MYT1L: variants seen among roughly 807,000 people sequenced by gnomAD.
MYT1L encodes the protein myelin transcription factor 1 like.
Under a neutral mutation model 126.7 loss-of-function variants are expected in MYT1L, and 12 were observed. That is an observed-to-expected ratio of 0.09 (90% CI 0.06 to 0.15). The LOEUF (loss-of-function observed/expected upper bound fraction) is 0.15. Among genes scored for constraint, MYT1L ranks in the 10% least tolerant of loss-of-function variants. The pLI, the probability that MYT1L is intolerant of heterozygous loss-of-function variation, is 1.00. For synonymous variants in MYT1L, 541 were observed against 604.2 expected, an observed-to-expected ratio of 0.90 and a Z score of 1.53; for missense variants, 979 against 1,585.2, an observed-to-expected ratio of 0.62 and a Z score of 6.49.
At chr2:1,792,131 G>T in intron 24 of MYT1L, 124 bp from the exon 25 acceptor site, 1 of 1,184,132 alleles carries the variant, frequency 8.4e-7, no homozygotes, top group Non-Finnish European at 1.2e-6. Context: ...GGCCGGCTCA[G>T]AGCACACTTA....
intron 3 of MYT1L, among the ~76,000 whole-genome samples, chr2:2,109,463 G>A (rs576776344): frequency 2.6e-5 from 4 of 152,186 alleles, no homozygotes; most frequent in South Asian, 4.2e-4. Context: ...ATGGAATGTC[G>A]CAGCACAAGG....
intron 8 of MYT1L, among the ~76,000 whole-genome samples, chr2:1,978,675 C>T (rs2060362157): frequency 6.6e-6 from 1 of 152,180 alleles, no homozygotes; most frequent in Non-Finnish European, 1.5e-5. Context: ...CTTGACCTGA[C>T]CTCACCCTGC....
At chr2:2,026,848 G>A (rs1192340469) in intron 4 of MYT1L, among the ~76,000 whole-genome samples, 1 of 152,148 alleles carries the variant, frequency 6.6e-6, no homozygotes, top group Non-Finnish European at 1.5e-5. Flanking sequence ...GGCGGGTCTT[G>A]AGAAAACCTG....
chr2:2,296,168 T>C (rs959515897), intron 1 of MYT1L, among the ~76,000 whole-genome samples: 42 of 152,214 alleles, frequency 2.8e-4, no homozygotes, highest in Admixed American at 1.9e-3. Flanking sequence ...GTTGAGAAGC[T>C]TTGCTATAAA....
chr2:2,267,341 A>T (rs2095157619), intron 2 of MYT1L, among the ~76,000 whole-genome samples: 1 of 152,240 alleles, frequency 6.6e-6, no homozygotes, highest in Non-Finnish European at 1.5e-5. Context: ...ACTGAAACTC[A>T]GAGAGGTGGA....
chr2:2,155,482 T>A (rs745748348), intron 3 of MYT1L, among the ~76,000 whole-genome samples: 1 of 152,226 alleles, frequency 6.6e-6, no homozygotes, highest in Non-Finnish European at 1.5e-5. Context: ...ACCAGAACTA[T>A]GATGTATGTC....
intron 3 of MYT1L, among the ~76,000 whole-genome samples, chr2:2,143,962 A>T (rs1378755137): frequency 1.2e-5 from 1 of 81,944 alleles, no homozygotes; most frequent in Non-Finnish European, 2.4e-5. Context: ...GGACTATTAG[A>T]GGGGGAGGGA....
intron 3 of MYT1L, among the ~76,000 whole-genome samples, chr2:2,069,912 TG>T (rs2074387828): frequency 6.7e-6 from 1 of 150,102 alleles, no homozygotes; most frequent in East Asian, 2.1e-4. Context: ...CACTTTTTGA[TG>T]GGGTTGTTTT....
chr2:1,850,543 A>C (rs2043134128), intron 19 of MYT1L, among the ~76,000 whole-genome samples: 1 of 152,090 alleles, frequency 6.6e-6, no homozygotes, highest in South Asian at 2.1e-4. Context: ...CTTTGTGTGG[A>C]CGATATGTTC....
At chr2:1,890,607 G>A (rs866386579) in intron 15 of MYT1L, among the ~76,000 whole-genome samples, 64 of 151,946 alleles carry the variant, frequency 4.2e-4, no homozygotes, top group Middle Eastern at 6.9e-3. Flanking sequence ...TGCCTCTCAG[G>A]AAGAGAGTCA....
intron 1 of MYT1L, among the ~76,000 whole-genome samples, chr2:2,302,362 C>T (rs1204362373): frequency 1.3e-5 from 2 of 152,294 alleles, no homozygotes; most frequent in Non-Finnish European, 2.9e-5. Flanking sequence ...TAAAAATGCA[C>T]AGAAGTGATC....
At chr2:1,875,189 T>C (rs1258417029) in intron 18 of MYT1L, among the ~76,000 whole-genome samples, 2 of 152,060 alleles carry the variant, frequency 1.3e-5, no homozygotes, top group African/African-American at 2.4e-5. Context: ...TGACTGAGCA[T>C]AGAGCTGCCG....
chr2:1,831,661 T>A (rs2040205021), intron 21 of MYT1L, among the ~76,000 whole-genome samples: 1 of 152,156 alleles, frequency 6.6e-6, no homozygotes, highest in Non-Finnish European at 1.5e-5. Context: ...CGTTTTGAAC[T>A]CTCCGCCACA....
chr2:2,021,194 C>T (rs1035506212), intron 4 of MYT1L, among the ~76,000 whole-genome samples: 22 of 152,078 alleles, frequency 1.4e-4, no homozygotes, highest in Non-Finnish European at 2.9e-5. Flanking sequence ...CCAAGAAAGG[C>T]CCAGACTGAG....
rs539067245 is a variant in MYT1L at position 2,044,742 on chromosome 2, C to T, written c.-158+9236G>A. Among the ~76,000 whole-genome samples the T allele has an allele frequency of 3.3e-5, 5 of 152,266 alleles. No homozygotes were observed. The East Asian group carries it at 5.8e-4, about 18-fold the overall frequency. On this transcript the variant is annotated intron_variant, in intron 4 of 24. Transcript: ENST00000647738. ...TTCCCCCAAAACCCAACCCTGGTTTCGTATACAGGCCAGCACTTTAAAAGC... is the reference window on the plus strand; with the variant it reads ...TTCCCCCAAAACCCAACCCTGGTTTTGTATACAGGCCAGCACTTTAAAAGC...
chr2:2,003,343 A>G (rs1475708305), intron 4 of MYT1L, among the ~76,000 whole-genome samples: 2 of 152,196 alleles, frequency 1.3e-5, no homozygotes, highest in Non-Finnish European at 2.9e-5. Flanking sequence ...AACACCCCTC[A>G]GCCTTCTCCT....
At chr2:2,156,734 T>C (rs892413988) in intron 3 of MYT1L, among the ~76,000 whole-genome samples, 1 of 152,182 alleles carries the variant, frequency 6.6e-6, no homozygotes, top group East Asian at 1.9e-4. Context: ...ATTGGGGCAA[T>C]GGCCTCCGGG....
intron 4 of MYT1L, among the ~76,000 whole-genome samples, chr2:2,016,859 T>C (rs1183081303): frequency 3.3e-5 from 5 of 152,396 alleles, no homozygotes; most frequent in African/African-American, 1.2e-4. Flanking sequence ...AACGGCATTC[T>C]GAAATCCATC....
At chr2:2,157,735 G>A (rs1376803816) in intron 3 of MYT1L, among the ~76,000 whole-genome samples, 3 of 152,254 alleles carry the variant, frequency 2.0e-5, no homozygotes, top group South Asian at 4.1e-4. Context: ...GATATGCATG[G>A]TTTGCTTTGC....
Sources: gnomAD v4.1 joint callset for allele counts (sites outside exome capture counted in the v4.1 genomes callset) on GRCh38, gnomAD v4.1.1 for gene constraint, MANE v1.5 for transcripts, NCBI Gene and HGNC (gene_info 2026-07-23, HGNC 2026-07-21) for gene names.